The following ARMC2 variants were observed in gnomAD, a reference collection of about 807,000 sequenced individuals.
The protein encoded by ARMC2 is armadillo repeat-containing protein 2.
In ARMC2, 67 loss-of-function variants were observed where a neutral mutation model predicts 90.3. The observed-to-expected ratio is 0.74, with a 90% CI of 0.61 to 0.91. The LOEUF (loss-of-function observed/expected upper bound fraction) is 0.91, where lower values mean the gene tolerates loss of function less well. Ranked by LOEUF, ARMC2 falls within the 40% of genes least tolerant of loss-of-function variation. ARMC2 has a pLI of 0.00. For missense variants in ARMC2, 920 were observed against 1,030.9 expected (o/e 0.89, Z 1.47); for synonymous variants, 393 against 393.0 (o/e 1.00, Z 0.00).
At chr6:108,881,692 C>T (rs2128444607) in intron 5 of ARMC2, among the ~76,000 whole-genome samples, 1 of 152,100 alleles carries the variant, frequency 6.6e-6, no homozygotes, top group Admixed American at 6.6e-5. Flanking sequence ...ACATGTGAGC[C>T]AGCTAGTTTG....
chr6:109,010,042 T>C, the ARMC2 span, among the ~76,000 whole-genome samples: 1 of 152,170 alleles, frequency 6.6e-6, no homozygotes, highest in Non-Finnish European at 1.5e-5. Flanking sequence ...CTTTGGCCTA[T>C]AATCAATGCA....
intron 10 of ARMC2, among the ~76,000 whole-genome samples, chr6:108,913,095 T>C (rs1773604667): frequency 6.6e-6 from 1 of 152,190 alleles, no homozygotes; most frequent in Admixed American, 6.5e-5. Flanking sequence ...AATTTTGTTA[T>C]ATGTTAGGGT....
intron 10 of ARMC2, among the ~76,000 whole-genome samples, chr6:108,915,389 T>G (rs981652790): frequency 1.2e-4 from 18 of 152,042 alleles, no homozygotes; most frequent in African/African-American, 4.3e-4. Context: ...GCAGGCAACA[T>G]CTAGTGGCGT....
chr6:109,006,565 C>T, the ARMC2 span, among the ~76,000 whole-genome samples: 189 of 151,536 alleles, frequency 1.2e-3, 3 homozygotes, highest in East Asian at 0.012. Context: ...GTGGTGGAGA[C>T]GGGGGCTGAA....
chr6:108,983,957 G>A, the ARMC2 span, among the ~76,000 whole-genome samples: 3 of 152,206 alleles, frequency 2.0e-5, no homozygotes, highest in Non-Finnish European at 4.4e-5. Flanking sequence ...TGGCTGCACA[G>A]CAGGAGGTGA....
chr6:108,870,577 G>A (rs1230151929), intron 4 of ARMC2, among the ~76,000 whole-genome samples: 1 of 150,834 alleles, frequency 6.6e-6, no homozygotes, highest in Non-Finnish European at 1.5e-5. Flanking sequence ...GAGAGGGAAG[G>A]AGGAAAGGAA....
chr6:108,994,467 G>A, the ARMC2 span: 2 of 1,611,520 alleles, frequency 1.2e-6, no homozygotes, highest in Non-Finnish European at 1.7e-6. Context: ...CTTACCTGAA[G>A]AGAAGACAAA....
At chr6:108,943,388 T>A (rs187538684) in intron 12 of ARMC2, among the ~76,000 whole-genome samples, 59 of 152,254 alleles carry the variant, frequency 3.9e-4, no homozygotes, top group African/African-American at 1.2e-3. Context: ...TTACAAGAAT[T>A]CATATTATTT....
chr6:109,035,276 T>C, the ARMC2 span, among the ~76,000 whole-genome samples: 4 of 152,296 alleles, frequency 2.6e-5, no homozygotes, highest in African/African-American at 9.6e-5. Context: ...ATCTAGTGTG[T>C]GTTAGATGCT....
intron 1 of ARMC2, among the ~76,000 whole-genome samples, chr6:108,850,092 A>T (rs992886811): frequency 2.6e-5 from 4 of 152,244 alleles, no homozygotes; most frequent in African/African-American, 9.6e-5. Context: ...CAGCAACGAT[A>T]AAGACAGGTC....
Position 108,928,197 on chromosome 6 carries a change from A to G in ARMC2, c.1460A>G (p.Asp487Gly). ...LCTAMEQYKG[D>G]KDVCTNIARI... Reference sequence around the variant, plus strand: ...ACGGCAATGGAACAGTACAAGGGTGACAAGGACGTCTGTACCAATATTGCC... The same window carrying G: ...ACGGCAATGGAACAGTACAAGGGTGGCAAGGACGTCTGTACCAATATTGCC... Residue 487 changes from aspartate to glycine, a missense_variant, in exon 11 of 18, where the codon GAC (aspartate) becomes GGC (glycine). Asp to Gly is a moderately conservative substitution (Grantham distance 94). Transcript: ENST00000392644. The G allele has an allele frequency of 6.3e-7, 1 of 1,575,432 alleles. No individual in the cohort carries two copies. Among genetic ancestry groups the G allele is most frequent in the Non-Finnish European group, 8.6e-7 (1 of 1,161,130 alleles).
the ARMC2 span, chr6:108,994,615 G>C: frequency 1.3e-6 from 2 of 1,522,306 alleles, no homozygotes; most frequent in South Asian, 2.4e-5. Flanking sequence ...CTTACCTGAA[G>C]AAAAAATACA....
At chr6:108,956,028 A>G (rs559516163) in intron 13 of ARMC2, among the ~76,000 whole-genome samples, 6 of 152,302 alleles carry the variant, frequency 3.9e-5, no homozygotes, top group East Asian at 3.9e-4. Context: ...CCTTTTGCCC[A>G]TTAAGTGTTG....
intron 2 of ARMC2, 24 bp downstream of exon 2, chr6:108,854,509 T>G (rs1178276607): frequency 6.3e-7 from 1 of 1,598,056 alleles, no homozygotes; most frequent in Non-Finnish European, 8.6e-7. Flanking sequence ...CACATTCATG[T>G]TCATTCAGAT....
chr6:108,864,458 A>G (rs962552937), intron 3 of ARMC2, among the ~76,000 whole-genome samples: 24 of 152,152 alleles, frequency 1.6e-4, no homozygotes, highest in African/African-American at 5.6e-4. Context: ...CATGTTGGCC[A>G]GAATGGTCTC....
intron 10 of ARMC2, among the ~76,000 whole-genome samples, chr6:108,926,477 C>T (rs571549416): frequency 5.3e-5 from 8 of 152,320 alleles, no homozygotes; most frequent in South Asian, 2.1e-4. Context: ...GTAATCCCAG[C>T]GCTTTGGGAG....
At chr6:109,014,356 T>G in the ARMC2 span, among the ~76,000 whole-genome samples, 1 of 152,208 alleles carries the variant, frequency 6.6e-6, no homozygotes, top group Admixed American at 6.5e-5. Context: ...GTAATTATTT[T>G]TATTTTACAA....
chr6:109,047,881 A>G, the ARMC2 span, among the ~76,000 whole-genome samples: 1 of 147,184 alleles, frequency 6.8e-6, no homozygotes, highest in South Asian at 2.3e-4. Context: ...TTTGTTAAAC[A>G]GATGCTTGAA....
At chr6:108,881,034 T>A (rs371872850) in intron 5 of ARMC2, among the ~76,000 whole-genome samples, 4 of 152,144 alleles carry the variant, frequency 2.6e-5, no homozygotes, top group East Asian at 3.9e-4. Flanking sequence ...TTTTGTATTT[T>A]TAGTAGAGAT....
Sources: allele counts gnomAD v4.1 joint callset (sites outside exome capture counted in the v4.1 genomes callset), GRCh38; gene constraint gnomAD v4.1.1; transcripts MANE v1.5; gene names NCBI Gene and HGNC (gene_info 2026-07-23, HGNC 2026-07-21).